WWOX: variants seen among roughly 807,000 people sequenced by gnomAD.
WWOX encodes WW domain containing oxidoreductase, also known as WW domain-containing oxidoreductase.
WWOX carries 69 observed loss-of-function variants against 46.2 expected under a neutral mutation model. The ratio of observed to expected loss-of-function variants is 1.49; its 90% CI spans 1.23 to 1.82. The LOEUF (loss-of-function observed/expected upper bound fraction) is 1.82. Among genes scored for constraint, WWOX ranks in the 40% most tolerant of loss-of-function variants. The pLI is 0.00. For synonymous variants in WWOX, 359 were observed against 202.6 expected (o/e 1.77, Z -6.56); for missense variants, 919 against 542.6 (o/e 1.69, Z -6.89).
At chr16:79,127,238 C>T (rs544421610) in intron 8 of WWOX, among the ~76,000 whole-genome samples, 74 of 152,096 alleles carry the variant, frequency 4.9e-4, no homozygotes, top group Non-Finnish European at 7.4e-4. Flanking sequence ...GTTAAAATCT[C>T]CCTCTACCCC....
intron 4 of WWOX, among the ~76,000 whole-genome samples, chr16:78,144,159 G>A (rs1439218133): frequency 6.6e-6 from 1 of 151,802 alleles, no homozygotes; most frequent in African/African-American, 2.4e-5. Context: ...AAAACCCTGG[G>A]TTGTATGCAA....
At chr16:78,754,231 C>G (rs74875937) in intron 8 of WWOX, among the ~76,000 whole-genome samples, 2,396 of 152,232 alleles carry the variant, frequency 0.016, 23 homozygotes, top group Non-Finnish European at 0.027. Flanking sequence ...GGATGCCTCA[C>G]TTCTCTTCCT....
At chr16:78,825,740 C>T in intron 8 of WWOX, 1 of 583,070 alleles carries the variant, frequency 1.7e-6, no homozygotes, top group South Asian at 1.7e-5. Context: ...TGTGGATGGC[C>T]TGATGATCCC....
intron 5 of WWOX, among the ~76,000 whole-genome samples, chr16:78,251,798 C>T (rs371652341): frequency 6.6e-6 from 1 of 152,176 alleles, no homozygotes; most frequent in African/African-American, 2.4e-5. Flanking sequence ...TCTCCCTACT[C>T]CCCACCCACT....
chr16:78,731,088 G>T (rs1597507040), intron 8 of WWOX, among the ~76,000 whole-genome samples: 2 of 152,098 alleles, frequency 1.3e-5, no homozygotes, highest in South Asian at 4.1e-4. Context: ...TGATGTCATG[G>T]GTGGGAAATT....
intron 8 of WWOX, among the ~76,000 whole-genome samples, chr16:78,814,278 TC>T (rs2051273197): frequency 6.6e-6 from 1 of 152,228 alleles, no homozygotes; most frequent in South Asian, 2.1e-4. Context: ...TATTTCCCCT[TC>T]CCCTCTTGTT....
rs926082776 is a variant in WWOX at position 78,909,554 on chromosome 16, C to T, written c.1057-302054C>T. On this transcript the variant is annotated intron_variant, in intron 8 of 8. Coordinates refer to ENST00000566780, the MANE Select transcript of WWOX (RefSeq NM_016373.4). ...TCTGGATGGTTTTAACCCTCAGCCT[C>T]TCTTTGGCCTGTGAGTGAAACCCAT... Among the ~76,000 whole-genome samples, 68 of 152,182 alleles carry T rather than the reference C, an allele frequency of 4.5e-4. 5 individuals carry two copies.
At chr16:78,554,051 C>A (rs1202381171) in intron 8 of WWOX, among the ~76,000 whole-genome samples, 1 of 152,078 alleles carries the variant, frequency 6.6e-6, no homozygotes, top group East Asian at 1.9e-4. Flanking sequence ...TGAGTTGTTC[C>A]ACAGATACTT....
intron 8 of WWOX, among the ~76,000 whole-genome samples, chr16:78,761,002 G>C (rs1354742075): frequency 6.6e-6 from 1 of 152,080 alleles, no homozygotes; most frequent in Non-Finnish European, 1.5e-5. Flanking sequence ...CATGAGCATA[G>C]CACAGGAAAG....
At position 78,549,343 on chromosome 16, in the gene WWOX, C is replaced by G. The variant is rs188713629; in HGVS notation, c.1056+116591C>G. On this transcript the variant is annotated intron_variant, in intron 8 of 8. Transcript: ENST00000566780. ...AACCTGATTGAATCTGCTGTAAGCT[C>G]TGTTAATATATTTGTTCGAGTCACT... 2.6e-3 allele frequency among the ~76,000 whole-genome samples: 390 copies of G among 152,258 alleles called. 3 individuals carry two copies. The highest frequency in any genetic ancestry group is 9.0e-3 in the African/African-American group (376 of 41,550).
Position 78,361,008 on chromosome 16 carries a change from A to C in WWOX, c.517-25852A>C, listed in dbSNP as rs1723140149. ...GCTAATTTTTGCATTTGTTTTATCAAGGCAGGGTTTCATCATGTTGCACAG... is the reference window on the plus strand; with the variant it reads ...GCTAATTTTTGCATTTGTTTTATCACGGCAGGGTTTCATCATGTTGCACAG... On this transcript the variant is annotated intron_variant, in intron 5 of 8. Coordinates refer to ENST00000566780, the MANE Select transcript of WWOX (RefSeq NM_016373.4). Among the ~76,000 whole-genome samples, 6 of 152,244 alleles carry C rather than the reference A, an allele frequency of 3.9e-5. No homozygotes were observed. In the South Asian group the frequency reaches 8.3e-4, roughly 21 times the overall value.
chr16:78,229,283 A>G (rs1291307162), intron 5 of WWOX, among the ~76,000 whole-genome samples: 5 of 151,324 alleles, frequency 3.3e-5, no homozygotes, highest in Non-Finnish European at 5.9e-5. Flanking sequence ...AATAAATAAA[A>G]AGAATAAAAA....
intron 7 of WWOX, among the ~76,000 whole-genome samples, chr16:78,428,965 G>A (rs987649263): frequency 2.6e-5 from 4 of 152,160 alleles, no homozygotes; most frequent in Non-Finnish European, 5.9e-5. Flanking sequence ...CTTGAAACAA[G>A]GGAAACTGTC....
chr16:79,204,446 C>T (rs1408513942), intron 8 of WWOX: 1 of 152,132 alleles, frequency 6.6e-6, no homozygotes, highest in African/African-American at 2.4e-5. Flanking sequence ...CAAAGCATGT[C>T]TAGGGTCTCA....
At chr16:78,123,570 G>A (rs991754555) in intron 4 of WWOX, 5 of 148,444 alleles carry the variant, frequency 3.4e-5, no homozygotes, top group African/African-American at 1.2e-4. Context: ...CAATTCTTCT[G>A]CCTCAGCCTC....
intron 8 of WWOX, among the ~76,000 whole-genome samples, chr16:78,629,570 C>T (rs1256244349): frequency 6.6e-6 from 1 of 152,166 alleles, no homozygotes; most frequent in African/African-American, 2.4e-5. Context: ...CTTTCCAGGG[C>T]CTGCAAGACC....
intron 8 of WWOX, among the ~76,000 whole-genome samples, chr16:78,724,956 T>C (rs1175190371): frequency 6.6e-6 from 1 of 152,214 alleles, no homozygotes; most frequent in African/African-American, 2.4e-5. Flanking sequence ...TTACAGGTGC[T>C]TGTTGCATTA....
intron 8 of WWOX, among the ~76,000 whole-genome samples, chr16:78,673,839 G>C (rs1285142471): frequency 6.6e-6 from 1 of 151,982 alleles, no homozygotes; most frequent in East Asian, 1.9e-4. Context: ...GTATCCTCCC[G>C]CAGAGGTTTG....
chr16:78,641,032 C>G (rs567256385), intron 8 of WWOX, among the ~76,000 whole-genome samples: 1 of 151,976 alleles, frequency 6.6e-6, no homozygotes, highest in African/African-American at 2.4e-5. Context: ...CAAAAATTGT[C>G]CTAACTGAGC....
Sources: gnomAD v4.1 joint callset for allele counts (sites outside exome capture counted in the v4.1 genomes callset) on GRCh38, gnomAD v4.1.1 for gene constraint, MANE v1.5 for transcripts, NCBI Gene and HGNC (gene_info 2026-07-23, HGNC 2026-07-21) for gene names.